SAMD4A: variants seen among roughly 807,000 people sequenced by gnomAD.
The protein encoded by SAMD4A is sterile alpha motif domain containing 4A.
SAMD4A carries 33 observed loss-of-function variants against 81.3 expected under a neutral mutation model. The ratio of observed to expected loss-of-function variants is 0.41; its 90% CI spans 0.31 to 0.54. The LOEUF is 0.54. SAMD4A is among the 20% of genes least tolerant of loss of function. The pLI is 0.37. For missense variants in SAMD4A, 854 were observed against 951.1 expected, an observed-to-expected ratio of 0.90 and a Z score of 1.34; for synonymous variants, 389 against 382.1, an observed-to-expected ratio of 1.02 and a Z score of -0.21.
At chr14:54,630,906 A>ATGTGTGTGTG (rs780859854) in intron 2 of SAMD4A, among the ~76,000 whole-genome samples, 1 of 65,482 alleles carries the variant, frequency 1.5e-5, no homozygotes, top group African/African-American at 6.0e-5. Flanking sequence ...CTTGTATTTT[A>ATGTGTGTGTG]TATGTGTGTG....
Position 54,702,044 on chromosome 14 carries a change from G to T in SAMD4A, c.197-18G>T, listed in dbSNP as rs776905949. 6.2e-7 allele frequency: 1 copy of T among 1,611,756 alleles called. No individual in the cohort carries two copies. The highest frequency in any genetic ancestry group is 1.1e-5 in the South Asian group (1 of 90,890). On this transcript the variant is annotated intron_variant, in intron 2 of 12. Coordinates refer to ENST00000554335, the MANE Select transcript of SAMD4A (RefSeq NM_015589.6). ...GTGGGTGTATTTGCTTATTTGCCGT[G>T]TATATTTCCCTTTTCAGGAATCATT...
chr14:54,570,830 G>C (rs999977495), intron 2 of SAMD4A, among the ~76,000 whole-genome samples: 1 of 152,112 alleles, frequency 6.6e-6, no homozygotes, highest in Non-Finnish European at 1.5e-5. Flanking sequence ...GATGTGTAAG[G>C]CTCTTACCAA....
chr14:54,722,497 T>C (rs2037286562), intron 3 of SAMD4A, among the ~76,000 whole-genome samples: 1 of 152,210 alleles, frequency 6.6e-6, no homozygotes, highest in South Asian at 2.1e-4. Flanking sequence ...TTTATTTTTT[T>C]ACCCTTCTTT....
intron 3 of SAMD4A, among the ~76,000 whole-genome samples, chr14:54,706,334 G>A (rs1237581301): frequency 2.7e-5 from 4 of 147,776 alleles, no homozygotes; most frequent in Admixed American, 2.1e-4. Flanking sequence ...CCGGGCATTG[G>A]TGGCTCACAC....
intron 2 of SAMD4A, among the ~76,000 whole-genome samples, chr14:54,583,432 C>T (rs899285131): frequency 3.3e-5 from 5 of 152,052 alleles, no homozygotes; most frequent in Non-Finnish European, 7.4e-5. Context: ...AGGAGGTGTT[C>T]ATCTGTTATG....
rs777475632 is a variant in SAMD4A, at chr14:54,764,471, G to A, written c.1527G>A (p.Leu509=). 1 of 1,609,304 alleles carries A rather than the reference G, an allele frequency of 6.2e-7. No individual in the cohort carries two copies. Among genetic ancestry groups the A allele is most frequent in the South Asian group, 1.1e-5 (1 of 90,250 alleles). ...RVMGKVCTQL[L]VSRPDEENIS... ...TAATTACAGTGTGCACACAGCTCTT[G>A]GTCTCCAGACCTGATGAGGAAAATA... is the stretch of plus-strand genomic sequence containing the variant. The change falls in exon 8 of 13, where the codon TTG becomes TTA. Residue 509 remains leucine, a synonymous_variant. Transcript: ENST00000554335.
In SAMD4A at chr14:54,567,737, A is replaced by C. The variant is rs1353744244; in HGVS notation, c.-180A>C. On this transcript the variant is annotated 5_prime_UTR_variant, in exon 2 of 13. Transcript: ENST00000554335. The stretch of plus-strand genomic sequence containing the variant: ...AATCAGCCAGAACCACCGGAACGTA[A>C]CTGAAACCAGACAAGAGAGGCAGGA... 1.7e-6 allele frequency: 1 copy of C among 581,756 alleles called. No individual in the cohort carries two copies. The highest frequency in any genetic ancestry group is 2.9e-6 in the Non-Finnish European group (1 of 340,874). The allele number at this position is 581,756 out of a possible 1,614,324, so 36.0% of individuals were successfully genotyped here. A position where few individuals can be genotyped will look rare whatever the true frequency, so the allele number is the denominator to read the frequency against.
intron 3 of SAMD4A, among the ~76,000 whole-genome samples, chr14:54,735,503 C>T (rs560491184): frequency 3.9e-5 from 6 of 152,312 alleles, no homozygotes; most frequent in African/African-American, 1.4e-4. Context: ...CCTCCCTTTT[C>T]ATTCATAAAG....
chr14:54,700,524 C>T (rs1198390920), intron 2 of SAMD4A, among the ~76,000 whole-genome samples: 1 of 152,178 alleles, frequency 6.6e-6, no homozygotes, highest in African/African-American at 2.4e-5. Flanking sequence ...GTTATGTTTG[C>T]ACCTAGCTGG....
At chr14:54,618,334 C>G (rs558838286) in intron 2 of SAMD4A, among the ~76,000 whole-genome samples, 1 of 152,302 alleles carries the variant, frequency 6.6e-6, no homozygotes, top group South Asian at 2.1e-4. Context: ...GCATATGCTA[C>G]AAATCCATCC....
chr14:54,788,121 C>G (rs2039187488), intron 12 of SAMD4A, among the ~76,000 whole-genome samples: 1 of 152,174 alleles, frequency 6.6e-6, no homozygotes, highest in Admixed American at 6.5e-5. Context: ...TTCTAAGTGC[C>G]CACAACACCT....
intron 2 of SAMD4A, among the ~76,000 whole-genome samples, chr14:54,699,655 T>G (rs576815187): frequency 1.3e-5 from 2 of 152,364 alleles, no homozygotes; most frequent in African/African-American, 4.8e-5. Flanking sequence ...AAATAAAATA[T>G]ATCATTAAAA....
chr14:54,681,511 C>G (rs2036127683), intron 2 of SAMD4A, among the ~76,000 whole-genome samples: 1 of 152,034 alleles, frequency 6.6e-6, no homozygotes, highest in South Asian at 2.1e-4. Context: ...CTCATAGCAG[C>G]CTTGAACTCC....
At chr14:54,747,114 G>A (rs1302144362) in intron 4 of SAMD4A, among the ~76,000 whole-genome samples, 8 of 152,208 alleles carry the variant, frequency 5.3e-5, no homozygotes, top group Admixed American at 5.2e-4. Context: ...TTAGTATGAT[G>A]TGTTGGGGAA....
chr14:54,687,342 G>T (rs765943337), intron 2 of SAMD4A: 1 of 456,592 alleles, frequency 2.2e-6, no homozygotes, highest in South Asian at 1.5e-5. Context: ...TCTCGGGGAG[G>T]ACCAGGAAGG....
intron 3 of SAMD4A, among the ~76,000 whole-genome samples, chr14:54,732,213 T>A (rs2037575154): frequency 6.6e-6 from 1 of 152,234 alleles, no homozygotes; most frequent in Admixed American, 6.5e-5. Context: ...ATTTCAAATC[T>A]GCTGATTTTT....
intron 2 of SAMD4A, among the ~76,000 whole-genome samples, chr14:54,642,701 G>A (rs1032534014): frequency 2.0e-5 from 3 of 152,192 alleles, no homozygotes; most frequent in South Asian, 2.1e-4. Context: ...CCAGCTTCCT[G>A]GTATCAGGTT....
At chr14:54,694,991 G>T (rs1194495687) in intron 2 of SAMD4A, 12 of 888,254 alleles carry the variant, frequency 1.4e-5, no homozygotes, top group Non-Finnish European at 1.6e-5. Flanking sequence ...TTTGAGGATG[G>T]TCAGATGCCT....
At chr14:54,685,897 TG>T (rs1244541140) in intron 2 of SAMD4A, 2 of 455,750 alleles carry the variant, frequency 4.4e-6, no homozygotes, top group Admixed American at 4.7e-5. Context: ...AAGAGGGAAT[TG>T]GGATGTTAAA....
Sources: allele counts gnomAD v4.1 joint callset (sites outside exome capture counted in the v4.1 genomes callset), GRCh38; gene constraint gnomAD v4.1.1; transcripts MANE v1.5; gene names NCBI Gene and HGNC (gene_info 2026-07-23, HGNC 2026-07-21).